LRP1B: variants seen among roughly 807,000 people sequenced by gnomAD.
LRP1B encodes LDL receptor related protein 1B, also known as low-density lipoprotein receptor-related protein 1B.
In LRP1B, 217 loss-of-function variants were observed where a neutral mutation model predicts 556.6. The ratio of observed to expected loss-of-function variants is 0.39; its 90% CI spans 0.35 to 0.44. The LOEUF is 0.44. LRP1B is among the 20% of genes least tolerant of loss of function. The pLI is 1.00. For synonymous variants in LRP1B, 2,047 were observed against 1,865.8 expected, an observed-to-expected ratio of 1.10 and a Z score of -2.50; for missense variants, 5,053 against 5,620.8, an observed-to-expected ratio of 0.90 and a Z score of 3.23.
rs151258813 is a variant in LRP1B, at chr2:141,743,959, T to TTGAC, written c.205+66319_205+66320insGTCA. 0.018 allele frequency among the ~76,000 whole-genome samples: 9 copies of TTGAC among 512 alleles called. No homozygotes were observed. The Non-Finnish European group carries it at 0.25, about 14-fold the overall frequency. 0.3% of individuals were successfully genotyped at this position (512 alleles called of 152,430 possible). On this transcript the variant is annotated intron_variant, in intron 2 of 90. Coordinates refer to ENST00000389484, the MANE Select transcript of LRP1B (RefSeq NM_018557.3). ...TTTTTCCAATAAACCAACTTTTTGT[T>TTGAC]TGATTCTTTATATTGTTTTATTTCA... is the stretch of plus-strand genomic sequence containing the variant.
intron 3 of LRP1B, among the ~76,000 whole-genome samples, chr2:141,352,647 T>C (rs1688487957): frequency 6.6e-6 from 1 of 151,942 alleles, no homozygotes; most frequent in Non-Finnish European, 1.5e-5. Context: ...GTGATAGAAA[T>C]TTGTATATTA....
intron 1 of LRP1B, among the ~76,000 whole-genome samples, chr2:141,859,694 T>C (rs2105785705): frequency 6.6e-6 from 1 of 152,310 alleles, no homozygotes; most frequent in South Asian, 2.1e-4. Flanking sequence ...AGGTGGTGAA[T>C]ATAATAATTA....
intron 1 of LRP1B, among the ~76,000 whole-genome samples, chr2:141,910,626 T>A (rs1195767208): frequency 1.3e-5 from 2 of 152,044 alleles, no homozygotes; most frequent in Non-Finnish European, 2.9e-5. Flanking sequence ...AGAAATCATA[T>A]CACTGCAAAT....
At chr2:141,602,242 A>C (rs1177220891) in intron 2 of LRP1B, among the ~76,000 whole-genome samples, 1 of 152,186 alleles carries the variant, frequency 6.6e-6, no homozygotes, top group Admixed American at 6.5e-5. Flanking sequence ...AACATTTTGT[A>C]GGGTAAATCT....
chr2:141,000,934 T>C (rs892184631), intron 15 of LRP1B, among the ~76,000 whole-genome samples: 1 of 150,394 alleles, frequency 6.6e-6, no homozygotes, highest in Admixed American at 6.7e-5. Context: ...TATAGATATG[T>C]TCACCTAAAA....
Position 141,886,979 on chromosome 2 carries a change from T to TGGGGG in LRP1B, c.83-76579_83-76578insCCCCC, listed in dbSNP as rs201578899. Among the ~76,000 whole-genome samples the TGGGGG allele has an allele frequency of 1.5e-3, 211 of 145,198 alleles. 2 individuals carry two copies. Among genetic ancestry groups the TGGGGG allele is most frequent in the South Asian group, 0.01 (47 of 4,574 alleles). ...TTTTCTTTTTCTTTTTTTTTTTTTT[T>TGGGGG]GGGTTTTTTGTTTGTTTGTTTTGTT... is the stretch of plus-strand genomic sequence containing the variant. On this transcript the variant is annotated intron_variant, in intron 1 of 90. Coordinates refer to ENST00000389484, the MANE Select transcript of LRP1B (RefSeq NM_018557.3).
chr2:140,554,884 G>GTGTGTGTGTGTATA (rs56040453), intron 43 of LRP1B, among the ~76,000 whole-genome samples: 143 of 148,654 alleles, frequency 9.6e-4, no homozygotes, highest in South Asian at 3.4e-3. Flanking sequence ...GTGTGTGTGT[G>GTGTGTGTGTGTATA]TATATGTATA....
At chr2:140,295,171 C>T (rs763346605) in intron 84 of LRP1B, among the ~76,000 whole-genome samples, 3 of 152,068 alleles carry the variant, frequency 2.0e-5, no homozygotes, top group Non-Finnish European at 4.4e-5. Context: ...AGCCACTGCG[C>T]CTGGCTAATT....
At chr2:141,879,959 T>C (rs1175674245) in intron 1 of LRP1B, among the ~76,000 whole-genome samples, 4 of 130,916 alleles carry the variant, frequency 3.1e-5, no homozygotes, top group Non-Finnish European at 7.1e-5. Flanking sequence ...ATGAACACAT[T>C]TCTTTTAAGA....
chr2:141,184,757 A>T (rs1453994870), intron 7 of LRP1B, among the ~76,000 whole-genome samples: 1 of 151,608 alleles, frequency 6.6e-6, no homozygotes, highest in Non-Finnish European at 1.5e-5. Context: ...ATGGGTAAGA[A>T]AAAAGGTTCC....
At chr2:140,660,976 C>T (rs562542788) in intron 41 of LRP1B, among the ~76,000 whole-genome samples, 1 of 151,166 alleles carries the variant, frequency 6.6e-6, no homozygotes, top group Admixed American at 6.6e-5. Context: ...TAATCATGTT[C>T]TCTCTTCTTC....
intron 3 of LRP1B, among the ~76,000 whole-genome samples, chr2:141,264,027 A>G (rs1424157094): frequency 6.6e-6 from 1 of 152,224 alleles, no homozygotes; most frequent in African/African-American, 2.4e-5. Flanking sequence ...CGAACATGTC[A>G]CAACAGAAGT....
At chr2:141,276,749 C>T (rs1182488719) in intron 3 of LRP1B, among the ~76,000 whole-genome samples, 3 of 151,334 alleles carry the variant, frequency 2.0e-5, no homozygotes, top group African/African-American at 2.4e-5. Flanking sequence ...CTCCGCCTCC[C>T]CGGTTCACGC....
chr2:141,404,769 A>G (rs1286678194), intron 3 of LRP1B, among the ~76,000 whole-genome samples: 1 of 152,192 alleles, frequency 6.6e-6, no homozygotes, highest in African/African-American at 2.4e-5. Flanking sequence ...GTCTTCTTTG[A>G]ATCCTTCTAA....
At chr2:140,598,928 G>T (rs1682548487) in intron 42 of LRP1B, 93 bp from the exon 43 acceptor site, 2 of 803,750 alleles carry the variant, frequency 2.5e-6, no homozygotes, top group South Asian at 3.4e-5. Context: ...TATTTTAAAA[G>T]AAGCAGAATT....
intron 81 of LRP1B, among the ~76,000 whole-genome samples, chr2:140,323,226 C>T (rs1680252387): frequency 6.6e-6 from 1 of 151,872 alleles, no homozygotes; most frequent in Non-Finnish European, 1.5e-5. Flanking sequence ...CTTTGTTGTT[C>T]ACTGTTTTTG....
chr2:141,639,365 T>TATATATATACAC (rs1558772348), intron 2 of LRP1B, among the ~76,000 whole-genome samples: 1 of 58,692 alleles, frequency 1.7e-5, no homozygotes, highest in African/African-American at 6.1e-5. Context: ...CACACACACA[T>TATATATATACAC]ATATATATAT....
chr2:140,240,984 G>T (rs1389906471), intron 87 of LRP1B, among the ~76,000 whole-genome samples: 5 of 150,842 alleles, frequency 3.3e-5, no homozygotes, highest in African/African-American at 2.4e-5. Context: ...GCTTCATTAA[G>T]AAAATTTCAT....
chr2:141,201,632 A>G lies in LRP1B; in HGVS notation c.851-13049T>C, dbSNP rs114373439. Among the ~76,000 whole-genome samples the G allele has an allele frequency of 2.4e-3, 370 of 152,268 alleles. 1 individual carries two copies. Among genetic ancestry groups the G allele is most frequent in the South Asian group, 4.6e-3 (22 of 4,828 alleles). On this transcript the variant is annotated intron_variant, in intron 6 of 90. Transcript: ENST00000389484. ...TATTACATATGTTTTTATACAAATA[A>G]CATTATTGTACTTTTTTAATTATTC...
Sources: gnomAD v4.1 joint callset for allele counts (sites outside exome capture counted in the v4.1 genomes callset) on GRCh38, gnomAD v4.1.1 for gene constraint, MANE v1.5 for transcripts, NCBI Gene and HGNC (gene_info 2026-07-23, HGNC 2026-07-21) for gene names.